PANK2: variants seen among roughly 807,000 people sequenced by gnomAD.
PANK2 encodes pantothenate kinase 2, mitochondrial.
A neutral mutation model predicts 43.1 loss-of-function variants in PANK2; 36 were observed. The ratio of observed to expected loss-of-function variants is 0.84; its 90% CI spans 0.64 to 1.10. PANK2 has a LOEUF of 1.10. Among genes scored for constraint, PANK2 ranks in the 50% least tolerant of loss-of-function variants. The probability of loss-of-function intolerance (pLI) is 0.00; values close to 1 mark genes in which losing one functional copy is unlikely to be tolerated. For missense variants in PANK2, 576 were observed against 593.3 expected (o/e 0.97, Z 0.30); for synonymous variants, 281 against 238.2 (o/e 1.18, Z -1.66).
rs552429968 is a variant in PANK2, at chr20:3,913,850, G to A, written c.1082+1216G>A. On this transcript the variant is annotated intron_variant, in intron 4 of 6. Coordinates refer to ENST00000610179, the MANE Select transcript of PANK2 (RefSeq NM_001386393.1). ...GTCGCCCAGGCTGGAGTGCAGTGGCGTGATCTCGGCTCACTGCAAGCTCTA... is the reference window on the plus strand; with the variant it reads ...GTCGCCCAGGCTGGAGTGCAGTGGCATGATCTCGGCTCACTGCAAGCTCTA... Among the ~76,000 whole-genome samples the A allele has an allele frequency of 9.9e-3, 1,476 of 149,664 alleles. 8 individuals are homozygous for A. Among genetic ancestry groups the A allele is most frequent in the Middle Eastern group, 0.025 (7 of 282 alleles).
chr20:3,922,791 G>A (rs1320545098), intron 6 of PANK2, among the ~76,000 whole-genome samples: 1 of 151,984 alleles, frequency 6.6e-6, no homozygotes, highest in Non-Finnish European at 1.5e-5. Context: ...CAGCTCAGTC[G>A]GGCTCTCACC....
Position 3,924,176 on chromosome 20 carries a change from C to T in PANK2, c.*882C>T, listed in dbSNP as rs6037693. On this transcript the variant is annotated 3_prime_UTR_variant, in exon 7 of 7. Transcript: ENST00000610179. ...TTGGGAGGTGAGTCTCAGAAGACTG[C>T]CTGAGGAGAGTGCCAGGCTGCAGGT... is the stretch of plus-strand genomic sequence containing the variant. 1,359 of 152,418 alleles carry T rather than the reference C, an allele frequency of 8.9e-3. 38 individuals carry two copies. In the East Asian group the frequency reaches 0.089, roughly 10 times the overall value. The allele number at this position is 152,418 out of a possible 1,614,324, so 9.4% of individuals were successfully genotyped here.
intron 6 of PANK2, chr20:3,921,602 A>G (rs2090648026): frequency 2.0e-5 from 3 of 152,204 alleles, no homozygotes; most frequent in African/African-American, 7.2e-5. Context: ...TTGCCTCTGT[A>G]TTTCAGCTGT....
chr20:3,904,049 G>A (rs902223878), intron 1 of PANK2, among the ~76,000 whole-genome samples: 1 of 151,950 alleles, frequency 6.6e-6, no homozygotes, highest in Non-Finnish European at 1.5e-5. Context: ...GCCTGCCTTG[G>A]CCTCCCAAAG....
At chr20:3,889,888 G>A in intron 1 of PANK2, 160 bp downstream of exon 1, 1 of 1,532,612 alleles carries the variant, frequency 6.5e-7, no homozygotes, top group Admixed American at 2.0e-5. Flanking sequence ...GGAGGCCTCG[G>A]GTGCTCCGAA....
intron 6 of PANK2, among the ~76,000 whole-genome samples, 184 bp from the exon 7 acceptor site, chr20:3,923,060 C>A (rs921071214): frequency 1.3e-5 from 2 of 152,194 alleles, no homozygotes; most frequent in Admixed American, 1.3e-4. Flanking sequence ...ATCCAGCCCC[C>A]TCCCCAGACA....
At chr20:3,922,309 T>G in intron 6 of PANK2, among the ~76,000 whole-genome samples, 1 of 152,240 alleles carries the variant, frequency 6.6e-6, no homozygotes, top group Non-Finnish European at 1.5e-5. Context: ...CATTATGGGG[T>G]TTGCCCCGTT....
chr20:3,908,408 G>C, intron 2 of PANK2, 130 bp downstream of exon 2: 2 of 924,614 alleles, frequency 2.2e-6, no homozygotes, highest in Non-Finnish European at 3.3e-6. Context: ...AAGATTAAAG[G>C]TACGCTAGTG....
chr20:3,902,064 T>C (rs1160153735), intron 1 of PANK2, among the ~76,000 whole-genome samples: 1 of 151,968 alleles, frequency 6.6e-6, no homozygotes, highest in Non-Finnish European at 1.5e-5. Flanking sequence ...GTTCAGCCCT[T>C]AGAGTAACCT....
chr20:3,919,295 T>G (rs1293327721), intron 6 of PANK2, among the ~76,000 whole-genome samples: 2 of 150,414 alleles, frequency 1.3e-5, no homozygotes, highest in East Asian at 3.9e-4. Flanking sequence ...TTAATTTAAT[T>G]GTAAGCTTAA....
rs780551883 is a variant in PANK2, at chr20:3,889,410, G to A, written c.-21G>A. 23 of 1,571,372 alleles carry A rather than the reference G, an allele frequency of 1.5e-5. No homozygotes were observed. Among genetic ancestry groups the A allele is most frequent in the Non-Finnish European group, 1.8e-5 (21 of 1,161,742 alleles). On this transcript the variant is annotated 5_prime_UTR_variant, in exon 1 of 7. Coordinates refer to ENST00000610179, the MANE Select transcript of PANK2 (RefSeq NM_001386393.1). ...CTGCTCTGGCTGGACTGCCGCGGAG[G>A]AGGCGAGAAGGAATCCGACGCTGGG... is the stretch of plus-strand genomic sequence containing the variant.
chr20:3,926,963 C>A lies in PANK2; in HGVS notation c.*3669C>A, dbSNP rs1045577529. 2.4e-5 allele frequency: 3 copies of A among 127,460 alleles called. No homozygotes were observed. Among genetic ancestry groups the A allele is most frequent in the Non-Finnish European group, 5.2e-5 (3 of 58,232 alleles). The allele number at this position is 127,460 out of a possible 1,614,324, so 7.9% of individuals were successfully genotyped here. A position where few individuals can be genotyped will look rare whatever the true frequency, so the allele number is the denominator to read the frequency against. On this transcript the variant is annotated 3_prime_UTR_variant, in exon 7 of 7. Transcript: ENST00000610179. ...CTCAAAAAAAAAAAAAAAAAAAAATCCGCTATTTCAGGTCACCCTGGTGCT... is the reference window on the plus strand; with the variant it reads ...CTCAAAAAAAAAAAAAAAAAAAAATACGCTATTTCAGGTCACCCTGGTGCT...
At position 3,907,988 on chromosome 20, in the gene PANK2, A is replaced by G. The variant is rs2090413380; in HGVS notation, c.361A>G (p.Lys121Glu). Reference sequence around the variant, plus strand: ...GGTCAAGCTGGTATATTTTGAACCCAAAGACATCACTGCTGAAGAAGAAGA... The same window carrying G: ...GGTCAAGCTGGTATATTTTGAACCCGAAGACATCACTGCTGAAGAAGAAGA... The change falls in exon 2 of 7, where the codon AAA (lysine) becomes GAA (glutamate). Residue 121 changes from lysine (K) to glutamate (E), a missense_variant. Physicochemically the swap from Lys to Glu is moderately conservative, Grantham distance 56. Transcript: ENST00000610179. 2 of 1,614,160 alleles carry G rather than the reference A, an allele frequency of 1.2e-6. No homozygotes were observed. The highest frequency in any genetic ancestry group is 1.7e-6 in the Non-Finnish European group (2 of 1,180,028).
intron 1 of PANK2, among the ~76,000 whole-genome samples, chr20:3,892,663 G>A (rs563682349): frequency 5.1e-4 from 57 of 110,852 alleles, no homozygotes; most frequent in Admixed American, 1.4e-3. Context: ...GCGACAGAGC[G>A]ACTCTGTCTC....
rs1365195221 is a variant in PANK2, at chr20:3,916,939, G to C, written c.1095G>C (p.Met365Ile). The change falls in exon 5 of 7, where the codon ATG (methionine) becomes ATC (isoleucine). Residue 365 changes from methionine (M) to isoleucine (I), a missense_variant. Coordinates refer to ENST00000610179, the MANE Select transcript of PANK2 (RefSeq NM_001386393.1). ...TCCCCCATCACAGCTTTGGAAACAT[G>C]ATGAGCAAGGAGAAGCGAGAGGCTG... The C allele has an allele frequency of 1.2e-6, 2 of 1,614,032 alleles. No individual in the cohort carries two copies.
chr20:3,907,239 C>T (rs2090402648), intron 1 of PANK2, among the ~76,000 whole-genome samples: 1 of 150,636 alleles, frequency 6.6e-6, no homozygotes, highest in African/African-American at 2.4e-5. Context: ...GTAGCTGGTA[C>T]TACAGGTGCA....
intron 1 of PANK2, among the ~76,000 whole-genome samples, chr20:3,898,896 G>A (rs1295637083): frequency 6.6e-6 from 1 of 151,594 alleles, no homozygotes; most frequent in East Asian, 1.9e-4. Context: ...GTTTGTTTTG[G>A]GAAACAGACT....
chr20:3,910,935 T>A (rs2090459512), intron 3 of PANK2, 105 bp downstream of exon 3: 4 of 1,395,356 alleles, frequency 2.9e-6, no homozygotes, highest in Non-Finnish European at 4.0e-6. Context: ...GGTGAAAGTG[T>A]TTCTGGATTA....
At chr20:3,908,822 G>T in intron 2 of PANK2, 1 of 160,792 alleles carries the variant, frequency 6.2e-6, no homozygotes, top group Non-Finnish European at 1.4e-5. Flanking sequence ...ACACTTAACT[G>T]GAGTCTCGCC....
Sources: gnomAD v4.1 joint callset for allele counts (sites outside exome capture counted in the v4.1 genomes callset) on GRCh38, gnomAD v4.1.1 for gene constraint, MANE v1.5 for transcripts, NCBI Gene and HGNC (gene_info 2026-07-23, HGNC 2026-07-21) for gene names.